MYO6: variants seen among roughly 807,000 people sequenced by gnomAD.
The protein encoded by MYO6 is myosin VI.
MYO6 carries 74 observed loss-of-function variants against 178.7 expected under a neutral mutation model. That is an observed-to-expected ratio of 0.41 (90% CI 0.34 to 0.50). MYO6 has a LOEUF of 0.50. Among genes scored for constraint, MYO6 ranks in the 20% least tolerant of loss-of-function variants. The probability of loss-of-function intolerance (pLI) is 0.09; values close to 1 mark genes in which losing one functional copy is unlikely to be tolerated. For missense variants in MYO6, 1,330 were observed against 1,547.4 expected (o/e 0.86, Z 2.36); for synonymous variants, 477 against 504.6 (o/e 0.95, Z 0.73).
At chr6:75,889,289 A>G (rs1369569760) in intron 25 of MYO6, among the ~76,000 whole-genome samples, 1 of 152,252 alleles carries the variant, frequency 6.6e-6, no homozygotes, top group Non-Finnish European at 1.5e-5. Context: ...TTGAAGGCTA[A>G]TTTTAGAAAT....
intron 1 of MYO6, among the ~76,000 whole-genome samples, chr6:75,788,556 G>A (rs1767910958): frequency 6.6e-6 from 1 of 152,134 alleles, no homozygotes; most frequent in Non-Finnish European, 1.5e-5. Context: ...CTAAACTGAA[G>A]CACCCTGATG....
chr6:75,826,868 G>A (rs1427071509), intron 3 of MYO6, among the ~76,000 whole-genome samples: 1 of 151,936 alleles, frequency 6.6e-6, no homozygotes, highest in African/African-American at 2.4e-5. Flanking sequence ...AGCTGAGATC[G>A]TGCCACTGCA....
chr6:75,855,406 G>C (rs535892603), intron 12 of MYO6, 123 bp downstream of exon 12: 1 of 906,724 alleles, frequency 1.1e-6, no homozygotes, highest in Non-Finnish European at 1.7e-6. Flanking sequence ...TCTCAGTGTA[G>C]TAATCCACCA....
chr6:75,753,078 A>G (rs987751062), intron 1 of MYO6, among the ~76,000 whole-genome samples: 1 of 152,178 alleles, frequency 6.6e-6, no homozygotes, highest in Non-Finnish European at 1.5e-5. Context: ...CTTGAGCCGC[A>G]ATAGACATAA....
intron 1 of MYO6, among the ~76,000 whole-genome samples, chr6:75,771,849 T>A (rs1055498398): frequency 3.3e-5 from 5 of 152,196 alleles, no homozygotes; most frequent in African/African-American, 1.2e-4. Flanking sequence ...TTATCTTTTT[T>A]AAAAATTAAA....
At chr6:75,825,162 G>A (rs1327111956) in intron 3 of MYO6, among the ~76,000 whole-genome samples, 3 of 152,180 alleles carry the variant, frequency 2.0e-5, no homozygotes, top group Non-Finnish European at 2.9e-5. Context: ...AAAATTGGGC[G>A]TGTGAAGTCA....
intron 14 of MYO6, among the ~76,000 whole-genome samples, chr6:75,860,019 C>G (rs185393241): frequency 6.6e-6 from 1 of 152,136 alleles, no homozygotes; most frequent in Non-Finnish European, 1.5e-5. Flanking sequence ...CTCACCTTTC[C>G]CTGTCTGGCA....
chr6:75,817,524 G>C lies in MYO6; in HGVS notation c.-24G>C. The C allele has an allele frequency of 6.3e-7, 1 of 1,582,234 alleles. No individual in the cohort carries two copies. The highest frequency in any genetic ancestry group is 8.7e-7 in the Non-Finnish European group (1 of 1,151,108). The stretch of plus-strand genomic sequence containing the variant: ...AGGTGACAGTGGATAGTGGAAACAG[G>C]AGATCGTGGATCCTCCTTCAAAAAT... On this transcript the variant is annotated 5_prime_UTR_variant, in exon 2 of 35. Transcript: ENST00000369977.
chr6:75,813,937 C>G (rs1583167283), intron 1 of MYO6, among the ~76,000 whole-genome samples: 3 of 152,298 alleles, frequency 2.0e-5, no homozygotes, highest in East Asian at 3.9e-4. Context: ...CTTTACCCTT[C>G]CCTCTTCGCC....
intron 20 of MYO6, among the ~76,000 whole-genome samples, 192 bp from the exon 21 acceptor site, chr6:75,879,628 C>G (rs1777856386): frequency 6.6e-6 from 1 of 152,074 alleles, no homozygotes; most frequent in South Asian, 2.1e-4. Flanking sequence ...GGAAATTTGA[C>G]TATAGTAGTT....
chr6:75,879,686 TATA>T (rs1186812145), intron 20 of MYO6, 131 bp from the exon 21 acceptor site: 2 of 1,185,792 alleles, frequency 1.7e-6, no homozygotes, highest in African/African-American at 1.5e-5. Flanking sequence ...TATTTTCCTA[TATA>T]ATATTTAGTT....
Position 75,898,370 on chromosome 6 carries a change from T to C in MYO6, c.3138-3T>C, listed in dbSNP as rs775861786. 28 of 1,604,132 alleles carry C rather than the reference T, an allele frequency of 1.7e-5. No individual in the cohort carries two copies. The South Asian group carries it at 3.1e-4, about 18-fold the overall frequency. ...CCATATTGTATTATCGTTTTTCTTG[T>C]AGGGAACAAATGGCCAAAGAAATGT... On this transcript the variant is annotated splice_region_variant and splice_polypyrimidine_tract_variant and intron_variant, in intron 29 of 34. Coordinates refer to ENST00000369977, the MANE Select transcript of MYO6 (RefSeq NM_004999.4).
chr6:75,826,919 A>G (rs1772528601), intron 3 of MYO6, among the ~76,000 whole-genome samples: 1 of 152,142 alleles, frequency 6.6e-6, no homozygotes, highest in African/African-American at 2.4e-5. Flanking sequence ...TCTCAAAAAA[A>G]GAAAAAAAAA....
At chr6:75,813,969 C>CTATTA (rs1313309270) in intron 1 of MYO6, among the ~76,000 whole-genome samples, 1 of 152,124 alleles carries the variant, frequency 6.6e-6, no homozygotes, top group African/African-American at 2.4e-5. Flanking sequence ...GGGAAGGAGT[C>CTATTA]TTTAATAGAG....
At chr6:75,801,442 A>C (rs749592793) in intron 1 of MYO6, among the ~76,000 whole-genome samples, 2 of 152,128 alleles carry the variant, frequency 1.3e-5, no homozygotes, top group African/African-American at 2.4e-5. Context: ...AGGAGTAAGA[A>C]TAATTTGGAC....
In MYO6 at chr6:75,844,974, T is replaced by G; in HGVS notation, c.894T>G (p.Pro298=). The G allele has an allele frequency of 6.2e-7, 1 of 1,608,186 alleles. No homozygotes were observed. The highest frequency in any genetic ancestry group is 8.5e-7 in the Non-Finnish European group (1 of 1,174,856). The stretch of plus-strand genomic sequence containing the variant: ...AGATTTTACAGAACCGCAAAAGTCC[T>G]GAGGTATAGTAGACCATTGTTCATA... ...DKQILQNRKS[P]EYLKAGSMKD... The change falls in exon 10 of 35, where the codon CCT becomes CCG. Residue 298 remains proline, a synonymous_variant. Transcript: ENST00000369977.
intron 25 of MYO6, among the ~76,000 whole-genome samples, chr6:75,888,009 G>A (rs1778597667): frequency 1.3e-5 from 2 of 151,436 alleles, no homozygotes; most frequent in Admixed American, 1.3e-4. Flanking sequence ...AATAAAAGTG[G>A]TGGGGCATGG....
chr6:75,777,860 C>T (rs1308362033), intron 1 of MYO6, among the ~76,000 whole-genome samples: 2 of 152,070 alleles, frequency 1.3e-5, no homozygotes, highest in Non-Finnish European at 2.9e-5. Flanking sequence ...TATTTGAAGG[C>T]CAAGACCGTG....
At chr6:75,830,669 C>A in intron 5 of MYO6, 124 bp downstream of exon 5, 1 of 916,186 alleles carries the variant, frequency 1.1e-6, no homozygotes, top group Non-Finnish European at 1.7e-6. Context: ...AAACTGTATA[C>A]CTCTTGGATA....
Sources: gnomAD v4.1 joint callset for allele counts (sites outside exome capture counted in the v4.1 genomes callset) on GRCh38, gnomAD v4.1.1 for gene constraint, MANE v1.5 for transcripts, NCBI Gene and HGNC (gene_info 2026-07-23, HGNC 2026-07-21) for gene names.